Variants in ARFGEF2 observed in about 807,000 individuals in gnomAD.
ARFGEF2 encodes the protein brefeldin A-inhibited guanine nucleotide-exchange protein 2.
In ARFGEF2, 74 loss-of-function variants were observed where a neutral mutation model predicts 219.9. The observed-to-expected ratio is 0.34, with a 90% CI of 0.28 to 0.41. The LOEUF (loss-of-function observed/expected upper bound fraction) is 0.41, where lower values mean the gene tolerates loss of function less well. Ranked by LOEUF, ARFGEF2 falls within the 10% of genes least tolerant of loss-of-function variation. The pLI is 1.00. For synonymous variants in ARFGEF2, 733 were observed against 799.2 expected (o/e 0.92, Z 1.40); for missense variants, 1,743 against 2,218.3 (o/e 0.79, Z 4.30).
intron 12 of ARFGEF2, among the ~76,000 whole-genome samples, chr20:48,974,118 A>ATTTTTTTTTTTTT (rs57941437): frequency 1.4e-5 from 1 of 70,066 alleles, no homozygotes; most frequent in African/African-American, 5.8e-5. Flanking sequence ...TTGAGTGTGA[A>ATTTTTTTTTTTTT]TTTTTTTTTT....
Position 49,017,285 on chromosome 20 carries a change from T to C in ARFGEF2, c.4352T>C (p.Leu1451Ser). The change falls in exon 32 of 39, where the codon TTA (leucine) becomes TCA (serine). Residue 1451 changes from leucine to serine, a missense_variant. Physicochemically the swap from Leu to Ser is moderately radical, Grantham distance 145. Transcript: ENST00000371917. ...EQLARSGTNCLENLVISNGEK... is the reference protein window; with the variant it reads ...EQLARSGTNCSENLVISNGEK... ...TTGGCGCGATCAGGTACAAATTGCT[T>C]AGAAAACTTAGTAATATCCAATGGA... 1.2e-6 allele frequency: 2 copies of C among 1,614,058 alleles called. No individual in the cohort carries two copies. The highest frequency in any genetic ancestry group is 1.7e-6 in the Non-Finnish European group (2 of 1,179,964).
intron 1 of ARFGEF2, among the ~76,000 whole-genome samples, chr20:48,933,182 A>G (rs1200923344): frequency 3.3e-5 from 5 of 152,180 alleles, no homozygotes; most frequent in Non-Finnish European, 1.5e-5. Flanking sequence ...CCAGCCTGGA[A>G]ATTGTTGCTA....
intron 1 of ARFGEF2, among the ~76,000 whole-genome samples, chr20:48,928,868 C>A (rs2090896035): frequency 6.6e-6 from 1 of 152,160 alleles, no homozygotes; most frequent in Non-Finnish European, 1.5e-5. Context: ...GGTTTATAGA[C>A]CTTTTTGTAA....
At chr20:48,971,384 T>G (rs765447200) in intron 10 of ARFGEF2, 30 bp downstream of exon 10, 1 of 1,450,578 alleles carries the variant, frequency 6.9e-7, no homozygotes, top group South Asian at 1.2e-5. Flanking sequence ...TTCATTTCAT[T>G]ATTTACTATT....
intron 30 of ARFGEF2, among the ~76,000 whole-genome samples, chr20:49,014,710 G>C (rs550218996): frequency 6.6e-6 from 1 of 152,144 alleles, no homozygotes; most frequent in Non-Finnish European, 1.5e-5. Context: ...AGGATTACTT[G>C]AGGCCAAGAG....
chr20:48,946,189 A>G (rs6019548), intron 3 of ARFGEF2, among the ~76,000 whole-genome samples: 37,417 of 152,118 alleles, frequency 0.25, 5,266 homozygotes, highest in East Asian at 0.49. Flanking sequence ...CATCAGTGCT[A>G]TGCCCTGCCA....
At chr20:48,950,206 C>T (rs996427811) in intron 3 of ARFGEF2, among the ~76,000 whole-genome samples, 1 of 151,976 alleles carries the variant, frequency 6.6e-6, no homozygotes, top group Non-Finnish European at 1.5e-5. Context: ...AGCAGCTGCT[C>T]GTGGGTGACA....
chr20:49,012,724 A>G (rs941482840), intron 28 of ARFGEF2, among the ~76,000 whole-genome samples: 2 of 152,134 alleles, frequency 1.3e-5, no homozygotes, highest in African/African-American at 4.8e-5. Context: ...TGATAATGGG[A>G]GCCAATGTTG....
rs889843196 is a variant in ARFGEF2 at position 49,004,994 on chromosome 20, A to G, written c.3433-76A>G. On this transcript the variant is annotated intron_variant, in intron 25 of 38. Transcript: ENST00000371917. ...TGTTTGTTTTGAAGGTAGGCTGTCCATCTTTGCTGTTGAGAGACCCACGTC... is the reference window on the plus strand; with the variant it reads ...TGTTTGTTTTGAAGGTAGGCTGTCCGTCTTTGCTGTTGAGAGACCCACGTC... 25 of 1,522,568 alleles carry G rather than the reference A, an allele frequency of 1.6e-5. No homozygotes were observed. In the Admixed American group the frequency reaches 3.7e-4, roughly 22 times the overall value. 94.3% of individuals were successfully genotyped at this position (1,522,568 alleles called of 1,614,324 possible). A position where few individuals can be genotyped will look rare whatever the true frequency, so the allele number is the denominator to read the frequency against.
Position 49,035,126 on chromosome 20 carries a change from T to C in ARFGEF2, c.*1927T>C, listed in dbSNP as rs2091659353. 1 of 152,144 alleles carries C rather than the reference T, an allele frequency of 6.6e-6. No individual in the cohort carries two copies. The highest frequency in any genetic ancestry group is 1.5e-5 in the Non-Finnish European group (1 of 68,020). 9.4% of individuals were successfully genotyped at this position (152,144 alleles called of 1,614,324 possible). On this transcript the variant is annotated 3_prime_UTR_variant, in exon 39 of 39. Coordinates refer to ENST00000371917, the MANE Select transcript of ARFGEF2 (RefSeq NM_006420.3). The stretch of plus-strand genomic sequence containing the variant: ...TCTCCATTGATATTTGTACAAAAGG[T>C]ATACATGGGGAACACGTGTTCATTC...
intron 3 of ARFGEF2, among the ~76,000 whole-genome samples, chr20:48,943,599 C>G (rs1299106152): frequency 6.6e-6 from 1 of 152,134 alleles, no homozygotes; most frequent in Admixed American, 6.5e-5. Flanking sequence ...GAGTCAGGGT[C>G]TCACTCTGTT....
intron 21 of ARFGEF2, among the ~76,000 whole-genome samples, chr20:48,993,739 A>G (rs1330495807): frequency 6.6e-6 from 1 of 152,102 alleles, no homozygotes; most frequent in African/African-American, 2.4e-5. Context: ...TGCATTCTCA[A>G]GCACCAGAGG....
At chr20:49,014,565 T>C (rs2091519211) in intron 30 of ARFGEF2, among the ~76,000 whole-genome samples, 1 of 152,150 alleles carries the variant, frequency 6.6e-6, no homozygotes. Context: ...AAAAAATTCT[T>C]CCTTTTACCA....
chr20:49,012,838 A>G (rs2123524280), intron 28 of ARFGEF2, among the ~76,000 whole-genome samples: 1 of 152,326 alleles, frequency 6.6e-6, no homozygotes, highest in African/African-American at 2.4e-5. Flanking sequence ...ATCCCATTGT[A>G]CAGGAGAGTT....
intron 21 of ARFGEF2, among the ~76,000 whole-genome samples, chr20:48,993,903 C>T (rs902849108): frequency 6.6e-6 from 1 of 152,166 alleles, no homozygotes; most frequent in East Asian, 1.9e-4. Context: ...AGAGTTAATG[C>T]CCTCTTGGCA....
intron 28 of ARFGEF2, 149 bp from the exon 29 acceptor site, chr20:49,013,415 C>A: frequency 1.0e-6 from 1 of 971,510 alleles, no homozygotes; most frequent in Non-Finnish European, 1.6e-6. Context: ...CAGATAATGT[C>A]TTTGTGTAGT....
rs141985761 is a variant in ARFGEF2, at chr20:48,982,416, G to A, written c.1959-2313G>A. ...CACCCGCCTGTATGAGGTGTCAGTC[G>A]GCCCTTTCTGGGAGGTGTCTCCCAG... On this transcript the variant is annotated intron_variant, in intron 14 of 38. Coordinates refer to ENST00000371917, the MANE Select transcript of ARFGEF2 (RefSeq NM_006420.3). 5.0e-3 allele frequency among the ~76,000 whole-genome samples: 756 copies of A among 152,260 alleles called. 27 individuals are homozygous for A. Among genetic ancestry groups the A allele is most frequent in the Admixed American group, 0.041 (627 of 15,306 alleles).
intron 18 of ARFGEF2, among the ~76,000 whole-genome samples, chr20:48,988,886 C>G (rs1292503759): frequency 6.6e-6 from 1 of 152,214 alleles, no homozygotes; most frequent in Admixed American, 6.5e-5. Flanking sequence ...AATCTGAGAA[C>G]TAAATTACTC....
chr20:49,001,083 A>G (rs975186559), intron 25 of ARFGEF2, among the ~76,000 whole-genome samples: 2 of 123,786 alleles, frequency 1.6e-5, no homozygotes, highest in East Asian at 2.3e-4. Flanking sequence ...TTTTTTTGAG[A>G]CAGAGTTTCG....
Sources: gnomAD v4.1 joint callset for allele counts (sites outside exome capture counted in the v4.1 genomes callset) on GRCh38, gnomAD v4.1.1 for gene constraint, MANE v1.5 for transcripts, NCBI Gene and HGNC (gene_info 2026-07-23, HGNC 2026-07-21) for gene names.